The following PLEKHA5 variants were observed in gnomAD, a reference collection of about 807,000 sequenced individuals.
PLEKHA5 encodes pleckstrin homology domain containing A5, also known as pleckstrin homology domain-containing family A member 5.
PLEKHA5 carries 55 observed loss-of-function variants against 181.9 expected under a neutral mutation model. That is an observed-to-expected ratio of 0.30 (90% CI 0.24 to 0.38). PLEKHA5 has a LOEUF of 0.38. Ranked by LOEUF, PLEKHA5 falls within the 10% of genes least tolerant of loss-of-function variation. PLEKHA5 has a pLI of 1.00. For missense variants in PLEKHA5, 1,432 were observed against 1,549.5 expected, an observed-to-expected ratio of 0.92 and a Z score of 1.27; for synonymous variants, 535 against 529.4, an observed-to-expected ratio of 1.01 and a Z score of -0.15.
chr12:19,263,308 T>C (rs2152644038), intron 7 of PLEKHA5, among the ~76,000 whole-genome samples: 1 of 152,278 alleles, frequency 6.6e-6, no homozygotes, highest in East Asian at 1.9e-4. Context: ...GGGAAACTCA[T>C]ATACAAAGTG....
rs1254529696 is a variant in PLEKHA5, at chr12:19,353,959, A to G, written c.3095A>G (p.Tyr1032Cys). Residue 1032 changes from tyrosine (Y) to cysteine (C), a missense_variant, in exon 26 of 32, where the codon TAT (tyrosine) becomes TGT (cysteine). Transcript: ENST00000429027. ...PTPESSTIAS[Y>C]VTLRKTKKMM... ...CCCGAATCTTCGACAATAGCTTCCTATGTAACCTTGAGGAAAACTAAGAAG... is the reference window on the plus strand; with the variant it reads ...CCCGAATCTTCGACAATAGCTTCCTGTGTAACCTTGAGGAAAACTAAGAAG... 3.1e-6 allele frequency: 5 copies of G among 1,608,314 alleles called. No individual in the cohort carries two copies. Among genetic ancestry groups the G allele is most frequent in the South Asian group, 1.1e-5 (1 of 90,974 alleles).
chr12:19,324,762 A>G (rs2091712889), intron 20 of PLEKHA5, among the ~76,000 whole-genome samples: 1 of 152,214 alleles, frequency 6.6e-6, no homozygotes, highest in African/African-American at 2.4e-5. Flanking sequence ...AAAGGAGGAA[A>G]TAGAACTAAC....
At chr12:19,361,896 C>T (rs891325620) in intron 29 of PLEKHA5, among the ~76,000 whole-genome samples, 190 bp downstream of exon 29, 2 of 151,978 alleles carry the variant, frequency 1.3e-5, no homozygotes, top group Non-Finnish European at 2.9e-5. Flanking sequence ...TAGGGCTGGA[C>T]GCACTGGTGC....
intron 11 of PLEKHA5, among the ~76,000 whole-genome samples, chr12:19,282,081 C>T (rs1414772801): frequency 6.6e-6 from 1 of 152,010 alleles, no homozygotes; most frequent in Non-Finnish European, 1.5e-5. Flanking sequence ...TGCGCCCGGC[C>T]CAAAGTGGTT....
intron 21 of PLEKHA5, among the ~76,000 whole-genome samples, chr12:19,340,962 AG>A (rs57255758): frequency 0.6 from 75,249 of 125,566 alleles, 23,310 homozygotes; most frequent in Non-Finnish European, 0.76. Flanking sequence ...AAAAAAAAAA[AG>A]AAAGAAAAGA....
intron 3 of PLEKHA5, among the ~76,000 whole-genome samples, chr12:19,175,575 T>G (rs1305934276): frequency 1.3e-5 from 2 of 152,210 alleles, no homozygotes; most frequent in African/African-American, 4.8e-5. Flanking sequence ...CAATAATTAC[T>G]TCCAGGTTTT....
chr12:19,274,964 C>G lies in PLEKHA5; in HGVS notation c.1294C>G (p.His432Asp). The change falls in exon 11 of 32, where the codon CAT (histidine) becomes GAT (aspartate). Residue 432 changes from histidine (H) to aspartate (D), a missense_variant. Physicochemically the swap from His to Asp is moderately conservative, Grantham distance 81. This residue lies in a region of PLEKHA5 where 1,143 missense variants were observed against 1,168.4 expected (regional missense o/e 0.98). Transcript: ENST00000429027. ...GATTAAAATCCAGAAGGGGAGGGGT[C>G]ATGAAGAAGAAACCAGGGGGTAAGT... ...QWIKIQKGRG[H>D]EEETRGVISY... is the part of the protein sequence containing the mutation. 6.2e-7 allele frequency: 1 copy of G among 1,608,238 alleles called. No homozygotes were observed. Among genetic ancestry groups the G allele is most frequent in the Non-Finnish European group, 8.5e-7 (1 of 1,178,844 alleles).
chr12:19,334,983 GAAAAAAAA>G (rs35656695), intron 20 of PLEKHA5, among the ~76,000 whole-genome samples: 14 of 49,966 alleles, frequency 2.8e-4, no homozygotes, highest in African/African-American at 8.9e-4. Flanking sequence ...TTTTTTTTAT[GAAAAAAAA>G]AAAAAAAAAA....
chr12:19,306,975 G>A, intron 15 of PLEKHA5: 1 of 1,398,268 alleles, frequency 7.2e-7, no homozygotes, highest in Non-Finnish European at 1.0e-6. Flanking sequence ...CACTTACTCA[G>A]ACTGGCGCTG....
At chr12:19,311,930 T>C (rs1212811596) in intron 15 of PLEKHA5, among the ~76,000 whole-genome samples, 2 of 152,214 alleles carry the variant, frequency 1.3e-5, no homozygotes, top group Non-Finnish European at 2.9e-5. Context: ...TAGAGCCTTA[T>C]GAAATGCATT....
intron 15 of PLEKHA5, among the ~76,000 whole-genome samples, chr12:19,293,653 T>C (rs977444843): frequency 6.7e-6 from 1 of 150,142 alleles, no homozygotes; most frequent in Admixed American, 6.8e-5. Flanking sequence ...TCTCTGAAAA[T>C]AAACCTTGTG....
chr12:19,338,882 C>CA lies in PLEKHA5; in HGVS notation c.2550+2281dup, dbSNP rs955263125. 4.1e-3 allele frequency among the ~76,000 whole-genome samples: 448 copies of CA among 108,932 alleles called. 3 individuals carry two copies. Among genetic ancestry groups the CA allele is most frequent in the African/African-American group, 0.016 (396 of 24,950 alleles). The allele number at this position is 108,932 out of a possible 152,430, so 71.5% of individuals were successfully genotyped here. A position where few individuals can be genotyped will look rare whatever the true frequency, so the allele number is the denominator to read the frequency against. On this transcript the variant is annotated intron_variant, in intron 21 of 31. Transcript: ENST00000429027. Reference sequence around the variant, plus strand: ...CTGAGTGATGGGCAAAAGTCCATCTCAAAAAAAAAAAAAAATAAGAAATCA... The same window carrying CA: ...CTGAGTGATGGGCAAAAGTCCATCTCAAAAAAAAAAAAAAAATAAGAAATCA...
In PLEKHA5 at chr12:19,130,424, G is replaced by C. The variant is rs905156055; in HGVS notation, c.169+294G>C. On this transcript the variant is annotated intron_variant, in intron 2 of 31. Coordinates refer to ENST00000429027, the MANE Select transcript of PLEKHA5 (RefSeq NM_001256470.2). The surrounding 1 kb of genome is among the most constrained non-coding windows in gnomAD (Gnocchi z 4.5). ...CCTAGACGACCCTCGCGACCCTAGAGTGGCGACGCTCCCCTCCCTGAAACC... is the reference window on the plus strand; with the variant it reads ...CCTAGACGACCCTCGCGACCCTAGACTGGCGACGCTCCCCTCCCTGAAACC... Among the ~76,000 whole-genome samples, 1 of 151,828 alleles carries C rather than the reference G, an allele frequency of 6.6e-6. No individual in the cohort carries two copies. The highest frequency in any genetic ancestry group is 1.5e-5 in the Non-Finnish European group (1 of 67,932).
intron 3 of PLEKHA5, among the ~76,000 whole-genome samples, chr12:19,229,613 G>C (rs1488850124): frequency 2.0e-5 from 3 of 152,194 alleles, no homozygotes; most frequent in African/African-American, 4.8e-5. Flanking sequence ...CATAGAGGCA[G>C]TGCGGACCCA....
intron 30 of PLEKHA5, among the ~76,000 whole-genome samples, chr12:19,367,322 C>T: frequency 8.1e-6 from 1 of 124,134 alleles, no homozygotes; most frequent in African/African-American, 3.2e-5. Context: ...GTGGCGTGAT[C>T]TCAGCTCACT....
chr12:19,334,093 A>G (rs1343859019), intron 20 of PLEKHA5, among the ~76,000 whole-genome samples: 2 of 152,322 alleles, frequency 1.3e-5, no homozygotes, highest in Admixed American at 1.3e-4. Context: ...GATTATTAGC[A>G]TGGTACTCAT....
At chr12:19,246,910 G>A (rs1210666519) in intron 3 of PLEKHA5, among the ~76,000 whole-genome samples, 1 of 151,926 alleles carries the variant, frequency 6.6e-6, no homozygotes, top group Non-Finnish European at 1.5e-5. Context: ...TCACTTTTAT[G>A]GGCTTTTATT....
chr12:19,298,617 C>T (rs575509107), intron 15 of PLEKHA5, among the ~76,000 whole-genome samples: 17 of 151,984 alleles, frequency 1.1e-4, no homozygotes, highest in African/African-American at 4.1e-4. Context: ...GATCCACCCG[C>T]CTCAGCCTCC....
chr12:19,250,833 T>C (rs1158737794), intron 3 of PLEKHA5, among the ~76,000 whole-genome samples: 1 of 152,074 alleles, frequency 6.6e-6, no homozygotes, highest in African/African-American at 2.4e-5. Flanking sequence ...TGCAAAAATA[T>C]AGCATGTGTG....
Sources: allele counts gnomAD v4.1 joint callset (sites outside exome capture counted in the v4.1 genomes callset), GRCh38; gene constraint gnomAD v4.1.1; regional missense constraint gnomAD v4.1.1; non-coding constraint Gnocchi (gnomAD v3.1); transcripts MANE v1.5; gene names NCBI Gene and HGNC (gene_info 2026-07-23, HGNC 2026-07-21).